The following GLI3 variants were observed in gnomAD, a reference collection of about 807,000 sequenced individuals.
The protein encoded by GLI3 is transcription activator GLI3.
Under a neutral mutation model 100.8 loss-of-function variants are expected in GLI3, and 20 were observed. The observed-to-expected ratio is 0.20, with a 90% CI of 0.14 to 0.29. The LOEUF (loss-of-function observed/expected upper bound fraction) is 0.29, where lower values mean the gene tolerates loss of function less well. GLI3 is among the 10% of genes least tolerant of loss of function. The pLI is 1.00. For synonymous variants in GLI3, 938 were observed against 860.5 expected, an observed-to-expected ratio of 1.09 and a Z score of -1.58; for missense variants, 2,040 against 2,128.5, an observed-to-expected ratio of 0.96 and a Z score of 0.82.
chr7:42,241,240 G>A (rs1788921808), upstream of GLI3, among the ~76,000 whole-genome samples: 1 of 152,192 alleles, frequency 6.6e-6, no homozygotes, highest in Admixed American at 6.5e-5. Flanking sequence ...GGCAACCGAG[G>A]AAGGTGGCCA....
chr7:42,130,380 T>G lies in GLI3; in HGVS notation c.367+17846A>C, dbSNP rs114491080. ...AGGACAGGAATGAGAATGACCAATA[T>G]CAACAAGAAAAACTAACCTTGGAAG... On this transcript the variant is annotated intron_variant, in intron 3 of 14. Transcript: ENST00000395925. 6.2e-3 allele frequency among the ~76,000 whole-genome samples: 936 copies of G among 152,166 alleles called. 7 individuals carry two copies. Among genetic ancestry groups the G allele is most frequent in the African/African-American group, 0.021 (886 of 41,502 alleles).
chr7:42,228,319 G>A (rs984972458), intron 1 of GLI3, among the ~76,000 whole-genome samples: 4 of 152,108 alleles, frequency 2.6e-5, no homozygotes, highest in African/African-American at 9.7e-5. Flanking sequence ...CCGCATTTCT[G>A]AAGCTGGCTT....
intron 10 of GLI3, among the ~76,000 whole-genome samples, chr7:42,015,645 G>A (rs1007194966): frequency 4.6e-5 from 7 of 151,304 alleles, no homozygotes; most frequent in African/African-American, 1.5e-4. Context: ...CCAAGAAAAC[G>A]GGCTTGGCTG....
chr7:42,113,289 C>A (rs1474695044), intron 3 of GLI3: 3 of 577,024 alleles, frequency 5.2e-6, no homozygotes, highest in Non-Finnish European at 6.5e-6. Flanking sequence ...GCGAGAACGA[C>A]CCCCGGACCG....
intron 2 of GLI3, among the ~76,000 whole-genome samples, chr7:42,171,961 G>A (rs1212636218): frequency 6.6e-6 from 1 of 152,086 alleles, no homozygotes; most frequent in Non-Finnish European, 1.5e-5. Context: ...ATAAAACAAT[G>A]TTTACGGCTC....
chr7:42,202,645 T>G (rs1057268244), intron 2 of GLI3, among the ~76,000 whole-genome samples: 1 of 152,230 alleles, frequency 6.6e-6, no homozygotes, highest in Non-Finnish European at 1.5e-5. Context: ...CTCACAAGCA[T>G]GCACATCACC....
chr7:42,004,627 G>C (rs894949421), intron 10 of GLI3, among the ~76,000 whole-genome samples: 3 of 152,050 alleles, frequency 2.0e-5, no homozygotes, highest in African/African-American at 7.2e-5. Flanking sequence ...TTATTATCTG[G>C]GGAAACTGAA....
intron 2 of GLI3, among the ~76,000 whole-genome samples, chr7:42,195,658 G>A (rs1028665893): frequency 6.6e-6 from 1 of 152,168 alleles, no homozygotes; most frequent in Admixed American, 6.5e-5. Flanking sequence ...CAATTTATTA[G>A]TATAGCTTAT....
At chr7:41,988,117 A>C (rs11983617) in intron 10 of GLI3, among the ~76,000 whole-genome samples, 8,060 of 152,150 alleles carry the variant, frequency 0.053, 344 homozygotes, top group African/African-American at 0.11. Flanking sequence ...TGAATGTGTC[A>C]CCCCTGAAAT....
intron 3 of GLI3, among the ~76,000 whole-genome samples, chr7:42,077,661 T>G (rs1428495182): frequency 6.6e-6 from 1 of 151,714 alleles, no homozygotes; most frequent in Non-Finnish European, 1.5e-5. Context: ...TGCTCTTCCT[T>G]AAAAATAGCT....
intron 1 of GLI3, among the ~76,000 whole-genome samples, chr7:42,230,050 T>G (rs939533844): frequency 4.5e-5 from 6 of 133,120 alleles, no homozygotes; most frequent in African/African-American, 1.4e-4. Context: ...TAAGGCTTCA[T>G]TTCCTCTCCC....
At chr7:42,049,111 GAAAGA>G (rs1000003451) in intron 4 of GLI3, among the ~76,000 whole-genome samples, 4 of 151,572 alleles carry the variant, frequency 2.6e-5, no homozygotes, top group African/African-American at 9.7e-5. Flanking sequence ...ATAAAAATAA[GAAAGA>G]AAAGAAAAGA....
At chr7:42,059,457 T>C (rs1304804862) in intron 4 of GLI3, among the ~76,000 whole-genome samples, 2 of 149,772 alleles carry the variant, frequency 1.3e-5, no homozygotes, top group Admixed American at 1.3e-4. Context: ...TATAAATGAA[T>C]ATAATATTCA....
At chr7:42,183,180 C>T (rs369853504) in intron 2 of GLI3, among the ~76,000 whole-genome samples, 6 of 152,190 alleles carry the variant, frequency 3.9e-5, no homozygotes, top group Middle Eastern at 3.4e-3. Context: ...GCCGAGATTG[C>T]GCCATGGCAC....
intron 3 of GLI3, among the ~76,000 whole-genome samples, chr7:42,084,901 C>CTTTTTTATTTTTTTTTTTT (rs1785069794): frequency 2.1e-5 from 1 of 47,502 alleles, no homozygotes; most frequent in Non-Finnish European, 3.5e-5. Context: ...CATTTGGATT[C>CTTTTTTATTTTTTTTTTTT]TTTTTTTTTT....
intron 3 of GLI3, among the ~76,000 whole-genome samples, chr7:42,089,776 G>A (rs1259176233): frequency 6.6e-6 from 1 of 152,194 alleles, no homozygotes; most frequent in Non-Finnish European, 1.5e-5. Context: ...AGGCTAGTAA[G>A]ACTTAACTCT....
chr7:42,072,724 G>A (rs1029654180), intron 4 of GLI3, among the ~76,000 whole-genome samples: 13 of 152,152 alleles, frequency 8.5e-5, no homozygotes, highest in African/African-American at 3.1e-4. Flanking sequence ...ACAATGCAAG[G>A]CAGGAAATAC....
intron 6 of GLI3, among the ~76,000 whole-genome samples, chr7:42,043,857 C>A (rs1415152934): frequency 2.0e-5 from 3 of 152,210 alleles, no homozygotes; most frequent in Non-Finnish European, 2.9e-5. Flanking sequence ...TTTTAAATAA[C>A]TGATTTGCAT....
At chr7:42,053,064 G>T (rs1022072881) in intron 4 of GLI3, among the ~76,000 whole-genome samples, 1 of 152,062 alleles carries the variant, frequency 6.6e-6, no homozygotes, top group African/African-American at 2.4e-5. Flanking sequence ...GCGCAATCTC[G>T]GCTCACTGCA....
Sources: gnomAD v4.1 joint callset for allele counts (sites outside exome capture counted in the v4.1 genomes callset) on GRCh38, gnomAD v4.1.1 for gene constraint, MANE v1.5 for transcripts, NCBI Gene and HGNC (gene_info 2026-07-23, HGNC 2026-07-21) for gene names.